Variants in NTN4 observed in about 807,000 individuals in gnomAD.
NTN4 encodes netrin-4.
NTN4 carries 32 observed loss-of-function variants against 73.6 expected under a neutral mutation model. That is an observed-to-expected ratio of 0.44 (90% CI 0.33 to 0.58). The LOEUF (loss-of-function observed/expected upper bound fraction) is 0.58, where lower values mean the gene tolerates loss of function less well. Ranked by LOEUF, NTN4 falls within the 20% of genes least tolerant of loss-of-function variation. NTN4 has a pLI of 0.04. For missense variants in NTN4, 654 were observed against 798.3 expected (o/e 0.82, Z 2.18); for synonymous variants, 258 against 287.5 (o/e 0.90, Z 1.04).
At chr12:95,680,614 G>A (rs1344801532) in intron 7 of NTN4, among the ~76,000 whole-genome samples, 2 of 152,122 alleles carry the variant, frequency 1.3e-5, no homozygotes, top group African/African-American at 4.8e-5. Flanking sequence ...ACAAACGAGA[G>A]AATAAAAATG....
At chr12:95,731,048 AT>A (rs2078733309) in intron 3 of NTN4, among the ~76,000 whole-genome samples, 1 of 152,138 alleles carries the variant, frequency 6.6e-6, no homozygotes. Flanking sequence ...CTTCTAAATT[AT>A]TTACTTTGTA....
intron 4 of NTN4, among the ~76,000 whole-genome samples, chr12:95,711,094 C>T (rs1008342253): frequency 2.6e-5 from 4 of 152,132 alleles, no homozygotes; most frequent in Admixed American, 6.6e-5. Flanking sequence ...AGAAAGGTAT[C>T]CATTGAGAAA....
intron 7 of NTN4, among the ~76,000 whole-genome samples, chr12:95,675,582 A>G (rs1005266171): frequency 2.0e-5 from 3 of 152,234 alleles, no homozygotes; most frequent in Non-Finnish European, 4.4e-5. Flanking sequence ...TAGATAAAGG[A>G]CGGAAAAAAA....
chr12:95,700,080 A>ATTTTT lies in NTN4; in HGVS notation c.1180+10356_1180+10360dup, dbSNP rs56063223. ...AACAGTGTATTCTTCTAAAGTGAGGATTTTTTTTTTTTTTTTTTTTTTTTT... is the reference window on the plus strand; with the variant it reads ...AACAGTGTATTCTTCTAAAGTGAGGATTTTTTTTTTTTTTTTTTTTTTTTTTTTTT... On this transcript the variant is annotated intron_variant, in intron 5 of 9. Transcript: ENST00000343702. Among the ~76,000 whole-genome samples, 46 of 41,816 alleles carry ATTTTT rather than the reference A, an allele frequency of 1.1e-3. 7 individuals carry two copies. Among genetic ancestry groups the ATTTTT allele is most frequent in the East Asian group, 1.5e-3 (2 of 1,348 alleles). The allele number at this position is 41,816 out of a possible 152,430, so 27.4% of individuals were successfully genotyped here.
intron 5 of NTN4, among the ~76,000 whole-genome samples, chr12:95,687,383 A>AT (rs1565884343): frequency 5.7e-4 from 84 of 147,760 alleles, no homozygotes; most frequent in Middle Eastern, 3.5e-3. Flanking sequence ...GGTGAAAAAA[A>AT]ATTTTTTTTT....
intron 5 of NTN4, among the ~76,000 whole-genome samples, chr12:95,693,337 T>C (rs907434115): frequency 2.6e-5 from 4 of 152,068 alleles, no homozygotes; most frequent in Non-Finnish European, 5.9e-5. Context: ...AATAGCCTCC[T>C]TGCCTTTGTA....
At chr12:95,721,707 TAAG>T (rs958606462) in intron 3 of NTN4, among the ~76,000 whole-genome samples, 2 of 152,240 alleles carry the variant, frequency 1.3e-5, no homozygotes, top group Admixed American at 1.3e-4. Flanking sequence ...TTATGAAGAA[TAAG>T]AAGTACACTG....
At chr12:95,780,488 A>G (rs2079124184) in intron 2 of NTN4, among the ~76,000 whole-genome samples, 1 of 152,258 alleles carries the variant, frequency 6.6e-6, no homozygotes, top group Admixed American at 6.5e-5. Context: ...CAAGTAGGCG[A>G]AGGATATGAA....
chr12:95,707,744 G>T (rs2078530985), intron 5 of NTN4, among the ~76,000 whole-genome samples: 1 of 152,122 alleles, frequency 6.6e-6, no homozygotes, highest in Non-Finnish European at 1.5e-5. Flanking sequence ...CTCAATAAAA[G>T]TAACTGGATG....
chr12:95,683,226 AT>A (rs1215720557), intron 6 of NTN4, among the ~76,000 whole-genome samples: 1 of 151,916 alleles, frequency 6.6e-6, no homozygotes, highest in African/African-American at 2.4e-5. Context: ...TGCCCAGCTA[AT>A]TTTTTTGTAT....
chr12:95,759,953 C>T (rs7316243), intron 2 of NTN4, among the ~76,000 whole-genome samples: 83,640 of 151,890 alleles, frequency 0.55, 23,262 homozygotes, highest in East Asian at 0.68. Flanking sequence ...TCTGGATGTT[C>T]TTATTCATCA....
At chr12:95,680,907 C>T (rs373394605) in intron 7 of NTN4, among the ~76,000 whole-genome samples, 5 of 151,926 alleles carry the variant, frequency 3.3e-5, no homozygotes, top group African/African-American at 9.7e-5. Context: ...GAGTATATAA[C>T]GGCCGGGCGC....
chr12:95,723,077 T>A (rs1283800676), intron 3 of NTN4, among the ~76,000 whole-genome samples: 2 of 151,414 alleles, frequency 1.3e-5, no homozygotes, highest in East Asian at 3.9e-4. Flanking sequence ...TTGGGCTGAG[T>A]AATTTTAGGT....
chr12:95,723,241 C>A (rs576854739), intron 3 of NTN4, among the ~76,000 whole-genome samples: 2 of 151,870 alleles, frequency 1.3e-5, no homozygotes, highest in Non-Finnish European at 2.9e-5. Flanking sequence ...AATTACCTTT[C>A]CTGCTGTCGG....
At chr12:95,693,175 A>C (rs1291976342) in intron 5 of NTN4, among the ~76,000 whole-genome samples, 1 of 152,164 alleles carries the variant, frequency 6.6e-6, no homozygotes, top group East Asian at 1.9e-4. Flanking sequence ...ATATCTCTTG[A>C]GTGAGGGAAG....
At chr12:95,775,473 A>G (rs1049136842) in intron 2 of NTN4, among the ~76,000 whole-genome samples, 1 of 152,130 alleles carries the variant, frequency 6.6e-6, no homozygotes, top group African/African-American at 2.4e-5. Context: ...AAATCGGGTC[A>G]CTCCCACCCT....
intron 2 of NTN4, among the ~76,000 whole-genome samples, chr12:95,762,222 G>A (rs191186130): frequency 2.0e-5 from 3 of 152,256 alleles, no homozygotes; most frequent in African/African-American, 7.2e-5. Context: ...CCAATGTGCT[G>A]ATTAAGGTTT....
chr12:95,709,946 G>T (rs1565892181), intron 5 of NTN4, among the ~76,000 whole-genome samples: 1 of 152,186 alleles, frequency 6.6e-6, no homozygotes, highest in Non-Finnish European at 1.5e-5. Context: ...AATTAGTTAT[G>T]ATAGTGAGGA....
chr12:95,746,666 C>T (rs1263129781), intron 2 of NTN4, among the ~76,000 whole-genome samples: 1 of 152,158 alleles, frequency 6.6e-6, no homozygotes, highest in Admixed American at 6.5e-5. Context: ...CCATATAGTG[C>T]TCTCCTCTGT....
Sources: allele counts gnomAD v4.1 joint callset (sites outside exome capture counted in the v4.1 genomes callset), GRCh38; gene constraint gnomAD v4.1.1; transcripts MANE v1.5; gene names NCBI Gene and HGNC (gene_info 2026-07-23, HGNC 2026-07-21).